STAU2: variants seen among roughly 807,000 people sequenced by gnomAD.
STAU2 encodes the protein double-stranded RNA-binding protein Staufen homolog 2.
STAU2 carries 20 observed loss-of-function variants against 65.9 expected under a neutral mutation model. That is an observed-to-expected ratio of 0.30 (90% confidence interval 0.21 to 0.44). The LOEUF is 0.44. Ranked by LOEUF, STAU2 falls within the 20% of genes least tolerant of loss-of-function variation. The pLI is 1.00. For synonymous variants in STAU2, 232 were observed against 233.9 expected, an observed-to-expected ratio of 0.99 and a Z score of 0.07; for missense variants, 558 against 683.9, an observed-to-expected ratio of 0.82 and a Z score of 2.05.
chr8:73,443,637 A>G (rs1210905840), intron 13 of STAU2, among the ~76,000 whole-genome samples: 1 of 152,174 alleles, frequency 6.6e-6, no homozygotes, highest in East Asian at 1.9e-4. Flanking sequence ...GGACTGCTTG[A>G]GGCCAGGAGT....
chr8:73,499,797 AAGAT>A (rs1189427014), intron 13 of STAU2, among the ~76,000 whole-genome samples: 1 of 151,816 alleles, frequency 6.6e-6, no homozygotes, highest in Non-Finnish European at 1.5e-5. Flanking sequence ...GAAGAAGATA[AAGAT>A]AGATAGAAAC....
At chr8:73,732,354 A>T (rs1435311708) in intron 3 of STAU2, among the ~76,000 whole-genome samples, 1 of 152,192 alleles carries the variant, frequency 6.6e-6, no homozygotes, top group Admixed American at 6.5e-5. Context: ...GAAATGATCC[A>T]TCACTTCTGT....
At chr8:73,721,381 G>A (rs965513009) in intron 3 of STAU2, among the ~76,000 whole-genome samples, 7 of 147,546 alleles carry the variant, frequency 4.7e-5, no homozygotes, top group East Asian at 4.1e-4. Flanking sequence ...GAACAAATAC[G>A]TATTCTACTC....
chr8:73,653,822 A>C, intron 6 of STAU2: 1 of 417,138 alleles, frequency 2.4e-6, no homozygotes, highest in South Asian at 1.7e-5. Context: ...TACAGTATGC[A>C]GCATTTCCAA....
intron 6 of STAU2, 139 bp from the exon 7 acceptor site, chr8:73,617,590 T>C: frequency 2.5e-6 from 2 of 805,666 alleles, no homozygotes; most frequent in Non-Finnish European, 3.8e-6. Flanking sequence ...ACATACTTTT[T>C]TGATAAAATG....
At position 73,552,203 on chromosome 8, in the gene STAU2, G is replaced by A. The variant is rs373103243; in HGVS notation, c.1339C>T (p.Pro447Ser). The stretch of plus-strand genomic sequence containing the variant: ...GATATACTGAAGAAAGAGCTTGAAG[G>A]TTGGTTCATATCTTTGGGTGACAAA... ...GYLSPKDMNQ[P>S]SSSFFSISPT... Residue 447 changes from proline (P) to serine (S), a missense_variant, in exon 13 of 15, where the codon CCT (proline) becomes TCT (serine). Physicochemically the swap from Pro to Ser is moderately conservative, Grantham distance 74 (BLOSUM62 -1). Transcript: ENST00000524300. 2.5e-5 allele frequency: 40 copies of A among 1,613,916 alleles called. No individual in the cohort carries two copies. Among genetic ancestry groups the A allele is most frequent in the Non-Finnish European group, 3.3e-5 (39 of 1,179,914 alleles).
At chr8:73,464,241 T>C (rs7834413) in intron 13 of STAU2, among the ~76,000 whole-genome samples, 45,904 of 151,940 alleles carry the variant, frequency 0.3, 7,458 homozygotes, top group East Asian at 0.55. Context: ...GGCTACCCAA[T>C]CTTCTAAGCT....
intron 9 of STAU2, among the ~76,000 whole-genome samples, chr8:73,612,243 AT>A (rs1412856164): frequency 6.6e-6 from 1 of 152,254 alleles, no homozygotes; most frequent in African/African-American, 2.4e-5. Context: ...TAGTATTTGC[AT>A]TATCATTAAT....
At chr8:73,657,305 T>C (rs10808796) in intron 6 of STAU2, among the ~76,000 whole-genome samples, 29,076 of 152,096 alleles carry the variant, frequency 0.19, 3,015 homozygotes, top group East Asian at 0.37. Flanking sequence ...TATTACAGTC[T>C]CAAATCAAAA....
intron 5 of STAU2, among the ~76,000 whole-genome samples, 157 bp from the exon 6 acceptor site, chr8:73,673,399 A>C (rs1586242644): frequency 6.6e-6 from 1 of 152,146 alleles, no homozygotes; most frequent in Admixed American, 6.5e-5. Flanking sequence ...CAAAGTAAAA[A>C]ACCAAGAAAA....
chr8:73,715,856 A>T (rs535305682), intron 3 of STAU2, among the ~76,000 whole-genome samples: 55 of 152,332 alleles, frequency 3.6e-4, no homozygotes, highest in Non-Finnish European at 1.2e-4. Context: ...TCAACATGGG[A>T]AAACTTTGCA....
At chr8:73,746,927 C>T (rs1350481174), upstream of STAU2, 5 of 965,730 alleles carry the variant, frequency 5.2e-6, no homozygotes, top group East Asian at 2.7e-4. Context: ...CCGGCGCTCC[C>T]GCCGCGCCCT....
At chr8:73,695,893 A>G (rs189096863) in intron 4 of STAU2, among the ~76,000 whole-genome samples, 22 of 152,262 alleles carry the variant, frequency 1.4e-4, no homozygotes, top group Admixed American at 1.4e-3. Flanking sequence ...TTTGACTCCA[A>G]TCCCTGGCTC....
chr8:73,428,703 G>A (rs567506835), intron 13 of STAU2, among the ~76,000 whole-genome samples: 137 of 152,180 alleles, frequency 9.0e-4, no homozygotes, highest in Non-Finnish European at 1.4e-3. Flanking sequence ...TTTTCACTAG[G>A]TACACTGGGA....
intron 12 of STAU2, among the ~76,000 whole-genome samples, chr8:73,572,517 C>T (rs867934690): frequency 7.9e-5 from 12 of 152,202 alleles, no homozygotes; most frequent in Middle Eastern, 6.8e-3. Flanking sequence ...ACTGGCAAAC[C>T]GAATCCAGCA....
rs1554589594 is a variant in STAU2 at position 73,436,568 on chromosome 8, T to TTTATTTATTTA, written c.1531-13867_1531-13866insTAAATAAATAA. Among the ~76,000 whole-genome samples the TTTATTTATTTA allele has an allele frequency of 1.2e-3, 174 of 141,470 alleles. 3 individuals are homozygous for TTTATTTATTTA. Among genetic ancestry groups the TTTATTTATTTA allele is most frequent in the African/African-American group, 4.3e-3 (159 of 37,292 alleles). The allele number at this position is 141,470 out of a possible 152,430, so 92.8% of individuals were successfully genotyped here. A position where few individuals can be genotyped will look rare whatever the true frequency, so the allele number is the denominator to read the frequency against. On this transcript the variant is annotated intron_variant, in intron 13 of 14. Coordinates refer to ENST00000524300, the MANE Select transcript of STAU2 (RefSeq NM_001164380.2). ...ATGAATTATCAGTATTTTGCCAATT[T>TTTATTTATTTA]TTTATTTATTTATTTATTTATTTAT...
At chr8:73,656,928 G>T (rs1483639009) in intron 6 of STAU2, among the ~76,000 whole-genome samples, 1 of 152,230 alleles carries the variant, frequency 6.6e-6, no homozygotes, top group Admixed American at 6.5e-5. Flanking sequence ...AGCAGTGATT[G>T]TTATGCTGAT....
rs71269928 is a variant in STAU2 at position 73,654,637 on chromosome 8, C to CAAAAAAAAAAAAAAAAAAAAAAAAAA, written c.410+18469_410+18470insTTTTTTTTTTTTTTTTTTTTTTTTTT. ...CCTAGATGACAGAACAAGATTGTCT[C>CAAAAAAAAAAAAAAAAAAAAAAAAAA]AAAAAAAAAAAAAAAAAAAAAAAAG... On this transcript the variant is annotated intron_variant, in intron 6 of 14. Coordinates refer to ENST00000524300, the MANE Select transcript of STAU2 (RefSeq NM_001164380.2). Among the ~76,000 whole-genome samples the CAAAAAAAAAAAAAAAAAAAAAAAAAA allele has an allele frequency of 3.4e-4, 9 of 26,306 alleles. 1 individual carries two copies. The highest frequency in any genetic ancestry group is 2.7e-4 in the African/African-American group (2 of 7,428). The allele number at this position is 26,306 out of a possible 152,430, so 17.3% of individuals were successfully genotyped here.
chr8:73,526,401 T>C (rs28633605), intron 13 of STAU2, among the ~76,000 whole-genome samples: 44,478 of 152,162 alleles, frequency 0.29, 6,845 homozygotes, highest in Middle Eastern at 0.34. Flanking sequence ...GTCAGAGGCA[T>C]TGTGAACTAG....
Sources: gnomAD v4.1 joint callset for allele counts (sites outside exome capture counted in the v4.1 genomes callset) on GRCh38, gnomAD v4.1.1 for gene constraint, MANE v1.5 for transcripts, NCBI Gene and HGNC (gene_info 2026-07-23, HGNC 2026-07-21) for gene names.